ABHD12B: variants seen among roughly 807,000 people sequenced by gnomAD.
ABHD12B encodes abhydrolase domain containing 12B.
ABHD12B carries 42 observed loss-of-function variants against 50.4 expected under a neutral mutation model. That is an observed-to-expected ratio of 0.83 (90% CI 0.65 to 1.08). The LOEUF (loss-of-function observed/expected upper bound fraction) is 1.08, where lower values mean the gene tolerates loss of function less well. Among genes scored for constraint, ABHD12B ranks in the 50% least tolerant of loss-of-function variants. The pLI is 0.00. For synonymous variants in ABHD12B, 167 were observed against 160.3 expected, an observed-to-expected ratio of 1.04 and a Z score of -0.32; for missense variants, 479 against 447.7, an observed-to-expected ratio of 1.07 and a Z score of -0.63.
chr14:50,879,579 C>T (rs1348733827), intron 3 of ABHD12B, among the ~76,000 whole-genome samples: 1 of 152,196 alleles, frequency 6.6e-6, no homozygotes, highest in East Asian at 1.9e-4. Flanking sequence ...TTCCAGTGAC[C>T]TGTTTTCTAT....
At chr14:50,876,165 C>T (rs944690227) in intron 1 of ABHD12B, among the ~76,000 whole-genome samples, 9 of 152,154 alleles carry the variant, frequency 5.9e-5, no homozygotes, top group African/African-American at 2.2e-4. Flanking sequence ...TGGTGGGGTG[C>T]TATTTTAAAG....
intron 9 of ABHD12B, among the ~76,000 whole-genome samples, chr14:50,900,708 T>A (rs575633662): frequency 1.6e-4 from 24 of 152,022 alleles, no homozygotes; most frequent in Non-Finnish European, 2.9e-4. Context: ...GGCAAGCGCC[T>A]TGAGGTGGGA....
At chr14:50,887,903 T>C (rs535225812) in intron 8 of ABHD12B, among the ~76,000 whole-genome samples, 36 of 152,370 alleles carry the variant, frequency 2.4e-4, no homozygotes, top group African/African-American at 7.5e-4. Context: ...GTCAGAATGC[T>C]GAAAGTTTTG....
At chr14:50,886,061 C>A (rs112326697) in intron 7 of ABHD12B, among the ~76,000 whole-genome samples, 166 bp downstream of exon 7, 246 of 152,246 alleles carry the variant, frequency 1.6e-3, no homozygotes, top group Non-Finnish European at 3.0e-3. Flanking sequence ...TCTTACCATG[C>A]TATTTGTAAA....
intron 7 of ABHD12B, 96 bp from the exon 8 acceptor site, chr14:50,886,551 C>A: frequency 8.2e-7 from 1 of 1,217,062 alleles, no homozygotes; most frequent in Non-Finnish European, 1.2e-6. Context: ...ATTTTTCTAA[C>A]CAGAGAGCCC....
intron 9 of ABHD12B, among the ~76,000 whole-genome samples, chr14:50,896,144 T>A (rs1359912841): frequency 6.6e-6 from 1 of 152,074 alleles, no homozygotes. Context: ...CTAATCACCC[T>A]TACCCCACTC....
In ABHD12B at chr14:50,872,230, C is replaced by A. The variant is rs1191199310; in HGVS notation, c.56C>A (p.Ala19Asp). The change falls in exon 1 of 13, where the codon GCC (alanine) becomes GAC (aspartate). Residue 19 changes from alanine (A) to aspartate (D), a missense_variant. Physicochemically the swap from Ala to Asp is moderately radical, Grantham distance 126. Coordinates refer to ENST00000337334, the MANE Select transcript of ABHD12B (RefSeq NM_001206673.2). ...TCGCCCGAGCCGCCCGGGCCCCCAG[C>A]CCGTAGCTGCGTGGCCGCCTGGTGG... ...AASPEPPGPP[A>D]RSCVAAWWDM... 1.4e-6 allele frequency: 2 copies of A among 1,393,506 alleles called. No homozygotes were observed. Among genetic ancestry groups the A allele is most frequent in the Non-Finnish European group, 1.9e-6 (2 of 1,070,562 alleles). 86.3% of individuals were successfully genotyped at this position (1,393,506 alleles called of 1,614,324 possible).
chr14:50,886,403 G>GCAC (rs1400651179), intron 7 of ABHD12B, among the ~76,000 whole-genome samples: 1 of 145,486 alleles, frequency 6.9e-6, no homozygotes, highest in African/African-American at 2.6e-5. Context: ...TTGTACCACT[G>GCAC]CACTCCAGCC....
At chr14:50,896,966 T>C (rs1025361894) in intron 9 of ABHD12B, among the ~76,000 whole-genome samples, 13 of 152,142 alleles carry the variant, frequency 8.5e-5, no homozygotes, top group African/African-American at 3.1e-4. Flanking sequence ...CTCATCATGA[T>C]TGTGGAATGG....
At chr14:50,900,563 C>T (rs2050250886) in intron 9 of ABHD12B, among the ~76,000 whole-genome samples, 1 of 152,164 alleles carries the variant, frequency 6.6e-6, no homozygotes, top group African/African-American at 2.4e-5. Context: ...TGGAGAATGA[C>T]TGGGTGGTGG....
chr14:50,899,291 AC>A (rs2050235422), intron 9 of ABHD12B, among the ~76,000 whole-genome samples: 1 of 152,254 alleles, frequency 6.6e-6, no homozygotes, highest in African/African-American at 2.4e-5. Context: ...ATTTAGTGGC[AC>A]TGGCTTACCT....
At chr14:50,886,773 T>C (rs987896395) in intron 8 of ABHD12B, 89 bp downstream of exon 8, 2 of 1,274,708 alleles carry the variant, frequency 1.6e-6, no homozygotes, top group African/African-American at 3.0e-5. Context: ...ACTTTGAACA[T>C]ATAGACACCA....
In ABHD12B at chr14:50,900,610, C is replaced by G. The variant is rs73284788; in HGVS notation, c.781-1219C>G. ...GGTAGCTGGTTATGGAAAACAGCTC[C>G]GAAGAAATAGCATCTGAGCTGAGAC... On this transcript the variant is annotated intron_variant, in intron 9 of 12. Transcript: ENST00000337334. Among the ~76,000 whole-genome samples, 5 of 152,142 alleles carry G rather than the reference C, an allele frequency of 3.3e-5. 1 individual carries two copies. In the South Asian group the frequency reaches 1.0e-3, roughly 32 times the overall value.
chr14:50,881,967 A>T (rs546191911), intron 5 of ABHD12B, among the ~76,000 whole-genome samples: 1 of 145,546 alleles, frequency 6.9e-6, no homozygotes, highest in East Asian at 2.1e-4. Flanking sequence ...GTTTTTTGAG[A>T]TTCTGTTGCC....
At position 50,882,215 on chromosome 14, in the gene ABHD12B, C is replaced by T. The variant is rs147256985; in HGVS notation, c.486+589C>T. Among the ~76,000 whole-genome samples the T allele has an allele frequency of 8.4e-5, 12 of 143,390 alleles. 1 individual carries two copies. The East Asian group carries it at 2.2e-3, about 26-fold the overall frequency. The allele number at this position is 143,390 out of a possible 152,430, so 94.1% of individuals were successfully genotyped here. On this transcript the variant is annotated intron_variant, in intron 5 of 12. Transcript: ENST00000337334. ...CCTCCCAAAGTGCTGGGATTACAGGCGCGAACCACCTCACCCGGCTGACGT... is the reference window on the plus strand; with the variant it reads ...CCTCCCAAAGTGCTGGGATTACAGGTGCGAACCACCTCACCCGGCTGACGT...
chr14:50,885,610 C>G lies in ABHD12B; in HGVS notation c.487-4C>G, dbSNP rs1292101941. On this transcript the variant is annotated splice_polypyrimidine_tract_variant and splice_region_variant and intron_variant, in intron 5 of 12. Coordinates refer to ENST00000337334, the MANE Select transcript of ABHD12B (RefSeq NM_001206673.2). ...AAAGTGATAACAGCTCCTTTGTTAC[C>G]TAGGTGCTGAGTGATGGTGGCTTTC... 2.5e-6 allele frequency: 4 copies of G among 1,614,078 alleles called. No homozygotes were observed. In the Admixed American group the frequency reaches 6.7e-5, roughly 27 times the overall value.
At chr14:50,903,737 C>T (rs1222075405) in intron 11 of ABHD12B, among the ~76,000 whole-genome samples, 1 of 152,144 alleles carries the variant, frequency 6.6e-6, no homozygotes, top group Non-Finnish European at 1.5e-5. Context: ...TGGGAACCTC[C>T]ATGTCGTCTC....
intron 9 of ABHD12B, among the ~76,000 whole-genome samples, chr14:50,895,043 G>A (rs2142761256): frequency 6.7e-6 from 1 of 149,730 alleles, no homozygotes; most frequent in East Asian, 1.9e-4. Context: ...CAAGGTTAAT[G>A]CTCCTTTTTC....
chr14:50,899,729 C>T (rs1275617836), intron 9 of ABHD12B, among the ~76,000 whole-genome samples: 3 of 151,952 alleles, frequency 2.0e-5, no homozygotes, highest in Admixed American at 6.5e-5. Context: ...TCGAGACCAG[C>T]CTAGCCAACA....
Sources: gnomAD v4.1 joint callset for allele counts (sites outside exome capture counted in the v4.1 genomes callset) on GRCh38, gnomAD v4.1.1 for gene constraint, MANE v1.5 for transcripts, NCBI Gene and HGNC (gene_info 2026-07-23, HGNC 2026-07-21) for gene names.